Variants in PRKG1 observed in about 807,000 individuals in gnomAD.
PRKG1 encodes protein kinase cGMP-dependent 1, also known as cGMP-dependent protein kinase 1.
PRKG1 carries 35 observed loss-of-function variants against 88.1 expected under a neutral mutation model. That is an observed-to-expected ratio of 0.40 (90% CI 0.30 to 0.53). The LOEUF (loss-of-function observed/expected upper bound fraction) is 0.53. PRKG1 is among the 20% of genes least tolerant of loss of function. The pLI, the probability that PRKG1 is intolerant of heterozygous loss-of-function variation, is 0.59. For synonymous variants in PRKG1, 303 were observed against 292.5 expected (o/e 1.04, Z -0.37); for missense variants, 540 against 839.8 (o/e 0.64, Z 4.41).
At chr10:51,894,116 T>A (rs1178905969) in intron 4 of PRKG1, among the ~76,000 whole-genome samples, 1 of 152,164 alleles carries the variant, frequency 6.6e-6, no homozygotes. Flanking sequence ...GAATGCAGGC[T>A]GAAAAACTTG....
chr10:51,698,890 CCCAGGG>C (rs575311852), intron 3 of PRKG1: 31 of 1,613,818 alleles, frequency 1.9e-5, no homozygotes, highest in Middle Eastern at 1.6e-4. Context: ...CTGGGCAGAG[CCCAGGG>C]CCAGGGCCAG....
intron 10 of PRKG1, among the ~76,000 whole-genome samples, chr10:52,254,967 A>G (rs1200772957): frequency 1.3e-5 from 2 of 152,032 alleles, no homozygotes; most frequent in Non-Finnish European, 2.9e-5. Flanking sequence ...CCTGTTCACA[A>G]CCATTTCCTC....
intron 3 of PRKG1, among the ~76,000 whole-genome samples, chr10:51,575,675 C>A (rs1259014633): frequency 2.0e-5 from 3 of 151,750 alleles, no homozygotes; most frequent in African/African-American, 7.3e-5. Flanking sequence ...ATGTGTATAA[C>A]TGTCCCACTT....
intron 1 of PRKG1, among the ~76,000 whole-genome samples, chr10:51,101,647 A>AT (rs1346695351): frequency 1.3e-5 from 2 of 152,184 alleles, no homozygotes; most frequent in Admixed American, 6.5e-5. Context: ...AATAATGAGT[A>AT]TTTTTTATAA....
intron 2 of PRKG1, among the ~76,000 whole-genome samples, chr10:51,220,551 A>G (rs34830785): frequency 0.039 from 5,934 of 152,318 alleles, 137 homozygotes; most frequent in Non-Finnish European, 0.061. Context: ...AGTATAGGAC[A>G]CCAGTATTAG....
At chr10:51,213,136 TA>T (rs1047583469) in intron 2 of PRKG1, among the ~76,000 whole-genome samples, 1 of 152,094 alleles carries the variant, frequency 6.6e-6, no homozygotes, top group African/African-American at 2.4e-5. Flanking sequence ...TATGCAGCCA[TA>T]AAAAAGGATT....
chr10:51,283,379 T>G (rs1840351724), intron 2 of PRKG1, among the ~76,000 whole-genome samples: 1 of 152,194 alleles, frequency 6.6e-6, no homozygotes, highest in South Asian at 2.1e-4. Context: ...CAATTCTAGA[T>G]AACTACTTTA....
intron 8 of PRKG1, among the ~76,000 whole-genome samples, chr10:52,154,458 G>A (rs1838031061): frequency 6.6e-6 from 1 of 152,106 alleles, no homozygotes; most frequent in African/African-American, 2.4e-5. Context: ...TATACTTTGA[G>A]TAGCACTACT....
At chr10:51,051,514 C>T (rs1300990944) in intron 1 of PRKG1, among the ~76,000 whole-genome samples, 1 of 152,038 alleles carries the variant, frequency 6.6e-6, no homozygotes, top group East Asian at 1.9e-4. Context: ...TCCTATTTGC[C>T]AATCATATTT....
intron 2 of PRKG1, among the ~76,000 whole-genome samples, chr10:51,329,530 C>T (rs1841676598): frequency 6.6e-6 from 1 of 152,298 alleles, no homozygotes; most frequent in East Asian, 1.9e-4. Context: ...GGGTTTTATA[C>T]TTTCAGAGTT....
chr10:51,429,629 T>C (rs1398413936), intron 2 of PRKG1, among the ~76,000 whole-genome samples: 6 of 152,032 alleles, frequency 3.9e-5, no homozygotes, highest in Non-Finnish European at 5.9e-5. Context: ...AATATCAATA[T>C]AGACATAAAT....
At chr10:51,202,058 A>G (rs1401847332) in intron 2 of PRKG1, among the ~76,000 whole-genome samples, 1 of 152,156 alleles carries the variant, frequency 6.6e-6, no homozygotes, top group Non-Finnish European at 1.5e-5. Context: ...TCTGTAGCAG[A>G]TGCTATTGGT....
At chr10:52,275,914 G>C (rs968405192) in intron 12 of PRKG1, among the ~76,000 whole-genome samples, 2 of 152,044 alleles carry the variant, frequency 1.3e-5, no homozygotes, top group African/African-American at 2.4e-5. Flanking sequence ...ATTTTCCGAA[G>C]TTTTTGGTTT....
chr10:51,601,721 A>ATTTTTTTTTTTTTTTTTTT (rs749205610), intron 3 of PRKG1, among the ~76,000 whole-genome samples: 5 of 43,574 alleles, frequency 1.1e-4, no homozygotes, highest in Non-Finnish European at 9.1e-5. Flanking sequence ...GGCAGATTGA[A>ATTTTTTTTTTTTTTTTTTT]TTTTTTTTTT....
At chr10:51,471,819 AG>A (rs139381477) in intron 3 of PRKG1, among the ~76,000 whole-genome samples, 69 of 152,028 alleles carry the variant, frequency 4.5e-4, no homozygotes, top group African/African-American at 1.6e-3. Flanking sequence ...CCCAATAAAA[AG>A]CACTTTTCAG....
At position 51,660,192 on chromosome 10, in the gene PRKG1, A is replaced by G. The variant is rs545794709; in HGVS notation, c.593-144393A>G. On this transcript the variant is annotated intron_variant, in intron 3 of 17. Transcript: ENST00000373980. ...GATCAAGAAGACACAGTGACAAATG[A>G]CACAGGAAGGCTGAACAAGATGGTT... is the stretch of plus-strand genomic sequence containing the variant. 3.3e-5 allele frequency among the ~76,000 whole-genome samples: 5 copies of G among 151,870 alleles called. No homozygotes were observed. The South Asian group carries it at 1.0e-3, about 32-fold the overall frequency.
intron 2 of PRKG1, among the ~76,000 whole-genome samples, chr10:51,361,406 C>T (rs1033313830): frequency 6.6e-6 from 1 of 151,806 alleles, no homozygotes; most frequent in Admixed American, 6.6e-5. Context: ...TAATTGACAC[C>T]CACATAAGAG....
intron 3 of PRKG1, among the ~76,000 whole-genome samples, chr10:51,495,987 C>A (rs1490255139): frequency 1.3e-5 from 2 of 152,112 alleles, no homozygotes. Context: ...GATATATTTT[C>A]AAGGTAGATA....
chr10:52,151,629 A>G (rs1837928606), intron 8 of PRKG1, among the ~76,000 whole-genome samples: 1 of 152,198 alleles, frequency 6.6e-6, no homozygotes, highest in African/African-American at 2.4e-5. Context: ...AGAGTTGCTA[A>G]CACTTAAAAT....
Sources: gnomAD v4.1 joint callset for allele counts (sites outside exome capture counted in the v4.1 genomes callset) on GRCh38, gnomAD v4.1.1 for gene constraint, MANE v1.5 for transcripts, NCBI Gene and HGNC (gene_info 2026-07-23, HGNC 2026-07-21) for gene names.